Variants in TAFA4 observed in about 807,000 individuals in gnomAD.
TAFA4 encodes TAFA chemokine like family member 4.
TAFA4 carries 20 observed loss-of-function variants against 21.1 expected under a neutral mutation model. The ratio of observed to expected loss-of-function variants is 0.95; its 90% confidence interval spans 0.67 to 1.38. The LOEUF (loss-of-function observed/expected upper bound fraction) is 1.38, where lower values mean the gene tolerates loss of function less well. Ranked by LOEUF, TAFA4 falls within the 40% of genes most tolerant of loss-of-function variation. The pLI, the probability that TAFA4 is intolerant of heterozygous loss-of-function variation, is 0.00. For synonymous variants in TAFA4, 71 were observed against 67.4 expected (o/e 1.05, Z -0.26); for missense variants, 211 against 180.9 (o/e 1.17, Z -0.95).
In TAFA4 at chr3:68,752,791, G is replaced by C; in HGVS notation, c.286+72C>G. On this transcript the variant is annotated intron_variant, in intron 4 of 5. Transcript: ENST00000295569. ...TAGGTTTCTTTGGGTTGCAAAGACA[G>C]TAAAGTAGGGAAATTCCTGGTGGGT... 17 of 1,600,200 alleles carry C rather than the reference G, an allele frequency of 1.1e-5. No homozygotes were observed. The South Asian group carries it at 1.7e-4, about 16-fold the overall frequency.
intron 4 of TAFA4, among the ~76,000 whole-genome samples, chr3:68,746,314 C>G (rs1702457177): frequency 6.6e-6 from 1 of 152,116 alleles, no homozygotes; most frequent in Non-Finnish European, 1.5e-5. Flanking sequence ...TAATAAACTC[C>G]CCTTCATATA....
intron 1 of TAFA4, among the ~76,000 whole-genome samples, chr3:68,898,152 AT>A (rs2089811031): frequency 1.3e-5 from 2 of 152,344 alleles, no homozygotes; most frequent in Admixed American, 1.3e-4. Context: ...GATACATTTT[AT>A]AGCTTGAGCA....
intron 3 of TAFA4, among the ~76,000 whole-genome samples, chr3:68,797,809 CTCAGT>C (rs1189229904): frequency 6.6e-6 from 1 of 151,978 alleles, no homozygotes; most frequent in Non-Finnish European, 1.5e-5. Flanking sequence ...TACCATCACC[CTCAGT>C]TATTATTTAA....
intron 3 of TAFA4, among the ~76,000 whole-genome samples, chr3:68,821,326 CTTTTTTTTTTTTTTTTTTTTT>C (rs575774839): frequency 1.4e-5 from 1 of 73,670 alleles, no homozygotes; most frequent in African/African-American, 5.5e-5. Flanking sequence ...AACCTCCCTG[CTTTTTTTTTTTTTTTTTTTTT>C]TTTTTTTTTT....
chr3:68,888,801 C>T (rs899244663), intron 1 of TAFA4, among the ~76,000 whole-genome samples: 1 of 151,800 alleles, frequency 6.6e-6, no homozygotes, highest in African/African-American at 2.4e-5. Flanking sequence ...GAACACGGCC[C>T]TCGAGATAAT....
chr3:68,758,446 G>A (rs1425250601), intron 3 of TAFA4, among the ~76,000 whole-genome samples: 1 of 152,134 alleles, frequency 6.6e-6, no homozygotes, highest in Non-Finnish European at 1.5e-5. Flanking sequence ...AGATCTGATG[G>A]TTTTATAAAG....
At chr3:68,877,798 G>A (rs1186127213) in intron 3 of TAFA4, among the ~76,000 whole-genome samples, 1 of 152,198 alleles carries the variant, frequency 6.6e-6, no homozygotes, top group East Asian at 1.9e-4. Flanking sequence ...ACAGTCTTCA[G>A]CTGTTCCTGG....
At chr3:68,814,675 C>A (rs1421485485) in intron 3 of TAFA4, among the ~76,000 whole-genome samples, 3 of 152,028 alleles carry the variant, frequency 2.0e-5, no homozygotes, top group Admixed American at 6.6e-5. Context: ...GATACAAACA[C>A]ATGGAAGAAC....
At chr3:68,819,278 A>T (rs943859720) in intron 3 of TAFA4, among the ~76,000 whole-genome samples, 12,036 of 87,336 alleles carry the variant, frequency 0.14, 634 homozygotes, top group East Asian at 0.5. Context: ...TTTAATTAAA[A>T]AAAAAAAAAA....
At chr3:68,741,514 G>A (rs72933920) in intron 4 of TAFA4, among the ~76,000 whole-genome samples, 2,533 of 152,204 alleles carry the variant, frequency 0.017, 80 homozygotes, top group African/African-American at 0.058. Flanking sequence ...GAAGAACTTG[G>A]CCGGGTGCCG....
At chr3:68,796,644 CAA>C (rs1703458883) in intron 3 of TAFA4, among the ~76,000 whole-genome samples, 1 of 152,136 alleles carries the variant, frequency 6.6e-6, no homozygotes, top group African/African-American at 2.4e-5. Context: ...TGAACTACAT[CAA>C]AGTTTAAAAT....
At chr3:68,769,748 C>G (rs1702919046) in intron 3 of TAFA4, among the ~76,000 whole-genome samples, 1 of 152,076 alleles carries the variant, frequency 6.6e-6, no homozygotes, top group East Asian at 1.9e-4. Context: ...TGCAGAAATC[C>G]CACCGAGTAG....
chr3:68,848,637 C>T (rs1003849515), intron 3 of TAFA4, among the ~76,000 whole-genome samples: 11 of 152,196 alleles, frequency 7.2e-5, no homozygotes, highest in African/African-American at 2.4e-4. Context: ...TCATTACTTT[C>T]TTCCCAGTAG....
At chr3:68,810,831 T>G (rs911340398) in intron 3 of TAFA4, among the ~76,000 whole-genome samples, 3 of 152,188 alleles carry the variant, frequency 2.0e-5, no homozygotes, top group Non-Finnish European at 4.4e-5. Flanking sequence ...GTAGTGGTTC[T>G]CCCAGCACAC....
intron 3 of TAFA4, among the ~76,000 whole-genome samples, chr3:68,872,694 T>C (rs896999583): frequency 6.6e-6 from 1 of 152,106 alleles, no homozygotes; most frequent in Non-Finnish European, 1.5e-5. Context: ...TATGTAGCAA[T>C]AATAAATAAG....
intron 3 of TAFA4, among the ~76,000 whole-genome samples, chr3:68,761,302 G>C (rs1702751338): frequency 6.6e-6 from 1 of 151,574 alleles, no homozygotes. Context: ...TTTACTCTTT[G>C]ACAAGCACAT....
intron 3 of TAFA4, among the ~76,000 whole-genome samples, chr3:68,846,070 G>T (rs764770874): frequency 1.3e-5 from 2 of 152,102 alleles, no homozygotes; most frequent in Non-Finnish European, 2.9e-5. Context: ...TGTCTTGCTA[G>T]GTTGGGGAAG....
intron 4 of TAFA4, among the ~76,000 whole-genome samples, chr3:68,744,019 T>C (rs980993303): frequency 6.6e-6 from 1 of 152,232 alleles, no homozygotes; most frequent in African/African-American, 2.4e-5. Context: ...TCTGCAGGAC[T>C]AGAAAAGTTA....
chr3:68,825,370 T>C (rs1050161853), intron 3 of TAFA4, among the ~76,000 whole-genome samples: 1 of 152,208 alleles, frequency 6.6e-6, no homozygotes, highest in Non-Finnish European at 1.5e-5. Context: ...TTATCCAGTC[T>C]ATCATTGATG....
Sources: allele counts gnomAD v4.1 joint callset (sites outside exome capture counted in the v4.1 genomes callset), GRCh38; gene constraint gnomAD v4.1.1; transcripts MANE v1.5; gene names NCBI Gene and HGNC (gene_info 2026-07-23, HGNC 2026-07-21).